The following LYPD6 variants were observed in gnomAD, a reference collection of about 807,000 sequenced individuals.
LYPD6 encodes ly6/PLAUR domain-containing protein 6.
A neutral mutation model predicts 22.7 loss-of-function variants in LYPD6; 15 were observed. The ratio of observed to expected loss-of-function variants is 0.66; its 90% confidence interval spans 0.44 to 1.02. LYPD6 has a LOEUF of 1.02. Among genes scored for constraint, LYPD6 ranks in the 50% least tolerant of loss-of-function variants. The pLI is 0.00. For missense variants in LYPD6, 189 were observed against 208.4 expected (o/e 0.91, Z 0.57); for synonymous variants, 72 against 77.5 (o/e 0.93, Z 0.37).
the LYPD6 span, among the ~76,000 whole-genome samples, chr2:149,480,913 T>C: frequency 6.6e-6 from 1 of 152,144 alleles, no homozygotes; most frequent in Non-Finnish European, 1.5e-5. Flanking sequence ...TGAAGGCATA[T>C]CCCATCTTCA....
chr2:149,392,699 G>C (rs192472934), intron 1 of LYPD6, among the ~76,000 whole-genome samples: 1 of 152,296 alleles, frequency 6.6e-6, no homozygotes, highest in Non-Finnish European at 1.5e-5. Context: ...TGTCACTTGA[G>C]AGGATACTGC....
At chr2:149,393,013 G>T (rs1454519983) in intron 1 of LYPD6, among the ~76,000 whole-genome samples, 1 of 152,176 alleles carries the variant, frequency 6.6e-6, no homozygotes, top group East Asian at 1.9e-4. Context: ...GCGACAGAGC[G>T]AGACTCCATC....
At chr2:149,392,939 A>C (rs901834708) in intron 1 of LYPD6, among the ~76,000 whole-genome samples, 9 of 152,172 alleles carry the variant, frequency 5.9e-5, no homozygotes, top group Non-Finnish European at 1.3e-4. Context: ...AGGCAGGAGA[A>C]TCACTTGAAC....
intron 1 of LYPD6, among the ~76,000 whole-genome samples, chr2:149,364,012 C>T (rs1037679158): frequency 6.6e-6 from 1 of 152,080 alleles, no homozygotes; most frequent in Admixed American, 6.6e-5. Flanking sequence ...AAAAAATGAG[C>T]CTTTCTTATC....
intron 1 of LYPD6, among the ~76,000 whole-genome samples, chr2:149,385,946 T>A (rs544200310): frequency 6.6e-6 from 1 of 152,278 alleles, no homozygotes; most frequent in Non-Finnish European, 1.5e-5. Flanking sequence ...TCTGGAACAC[T>A]GCTACTGTTC....
chr2:149,440,763 C>A (rs1275772415), intron 2 of LYPD6, among the ~76,000 whole-genome samples: 1 of 133,938 alleles, frequency 7.5e-6, no homozygotes, highest in African/African-American at 2.9e-5. Flanking sequence ...TGCAGTGGTG[C>A]GATCTTGGCT....
the LYPD6 span, among the ~76,000 whole-genome samples, chr2:149,479,604 T>G: frequency 6.6e-6 from 1 of 152,152 alleles, no homozygotes; most frequent in Non-Finnish European, 1.5e-5. Flanking sequence ...CCTGGGTTTC[T>G]CCTTCACACT....
intron 1 of LYPD6, among the ~76,000 whole-genome samples, chr2:149,387,191 A>G (rs1288113326): frequency 1.3e-5 from 2 of 152,248 alleles, no homozygotes; most frequent in African/African-American, 2.4e-5. Flanking sequence ...TCTCATTTCA[A>G]TGTGAACATC....
intron 1 of LYPD6, among the ~76,000 whole-genome samples, chr2:149,354,281 C>T (rs1280590220): frequency 6.6e-6 from 1 of 152,136 alleles, no homozygotes; most frequent in Non-Finnish European, 1.5e-5. Context: ...GATCTCAGCT[C>T]ACGGCAACTT....
intron 1 of LYPD6, among the ~76,000 whole-genome samples, chr2:149,374,637 A>G (rs1418430978): frequency 1.3e-5 from 2 of 152,192 alleles, no homozygotes; most frequent in East Asian, 3.9e-4. Context: ...TTTTCTCCTT[A>G]TTCTTGCATT....
intron 1 of LYPD6, among the ~76,000 whole-genome samples, chr2:149,343,831 AG>A (rs1420145361): frequency 6.6e-6 from 1 of 152,176 alleles, no homozygotes; most frequent in Non-Finnish European, 1.5e-5. Context: ...TGATTGCTTA[AG>A]ATCAGCACTT....
intron 1 of LYPD6, among the ~76,000 whole-genome samples, chr2:149,335,397 G>T (rs1254092533): frequency 6.6e-6 from 1 of 152,082 alleles, no homozygotes; most frequent in Non-Finnish European, 1.5e-5. Flanking sequence ...TAGAAAAAAA[G>T]CTTACAGAAT....
At chr2:149,357,744 T>C (rs1031499724) in intron 1 of LYPD6, among the ~76,000 whole-genome samples, 1 of 151,998 alleles carries the variant, frequency 6.6e-6, no homozygotes, top group Non-Finnish European at 1.5e-5. Context: ...CATTCTGTGC[T>C]CTCTAAATCA....
At chr2:149,399,037 A>G (rs574169089) in intron 1 of LYPD6, among the ~76,000 whole-genome samples, 64 of 152,268 alleles carry the variant, frequency 4.2e-4, no homozygotes, top group African/African-American at 1.5e-3. Context: ...CACTATGCCA[A>G]AATGATATAT....
At chr2:149,385,120 C>T (rs1682155562) in intron 1 of LYPD6, among the ~76,000 whole-genome samples, 1 of 152,052 alleles carries the variant, frequency 6.6e-6, no homozygotes, top group Non-Finnish European at 1.5e-5. Context: ...TTTTATCTCT[C>T]TTCCCTTTGT....
chr2:149,432,548 A>C (rs1307672110), intron 1 of LYPD6, among the ~76,000 whole-genome samples: 1 of 152,218 alleles, frequency 6.6e-6, no homozygotes, highest in Non-Finnish European at 1.5e-5. Context: ...GTGATCAAGC[A>C]GGAAGGAACC....
chr2:149,359,289 C>T (rs1363599314), intron 1 of LYPD6, among the ~76,000 whole-genome samples: 1 of 152,142 alleles, frequency 6.6e-6, no homozygotes, highest in Non-Finnish European at 1.5e-5. Flanking sequence ...ATGGGAGAAG[C>T]AGCTGGAGGA....
intron 1 of LYPD6, among the ~76,000 whole-genome samples, chr2:149,377,194 C>A (rs1021982320): frequency 6.7e-6 from 1 of 149,890 alleles, no homozygotes; most frequent in Non-Finnish European, 1.5e-5. Flanking sequence ...TCTTTTCTTT[C>A]TTTTTTCCTT....
chr2:149,423,105 C>T (rs115709085), intron 1 of LYPD6, among the ~76,000 whole-genome samples: 2,012 of 152,212 alleles, frequency 0.013, 54 homozygotes, highest in African/African-American at 0.046. Context: ...AGACAGATAA[C>T]CATCTGCCCC....
Sources: gnomAD v4.1 joint callset for allele counts (sites outside exome capture counted in the v4.1 genomes callset) on GRCh38, gnomAD v4.1.1 for gene constraint, MANE v1.5 for transcripts, NCBI Gene and HGNC (gene_info 2026-07-23, HGNC 2026-07-21) for gene names.